TFRC: variants seen among roughly 807,000 people sequenced by gnomAD.
TFRC encodes transferrin receptor.
A neutral mutation model predicts 85.8 loss-of-function variants in TFRC; 35 were observed. The observed-to-expected ratio is 0.41, with a 90% CI of 0.31 to 0.54. The LOEUF (loss-of-function observed/expected upper bound fraction) is 0.54, where lower values mean the gene tolerates loss of function less well. TFRC is among the 20% of genes least tolerant of loss of function. The pLI is 0.31. For missense variants in TFRC, 828 were observed against 921.5 expected (o/e 0.90, Z 1.31); for synonymous variants, 362 against 328.6 (o/e 1.10, Z -1.10).
intron 9 of TFRC, among the ~76,000 whole-genome samples, chr3:196,066,025 C>CAA (rs1453310747): frequency 1.3e-5 from 2 of 149,734 alleles, no homozygotes; most frequent in African/African-American, 4.9e-5. Flanking sequence ...AAAATAAAAA[C>CAA]AAAAAAAAAC....
intron 14 of TFRC, 33 bp downstream of exon 14, chr3:196,060,146 AG>A: frequency 6.4e-7 from 1 of 1,557,040 alleles, no homozygotes; most frequent in African/African-American, 1.4e-5. Flanking sequence ...ACAAAAATTA[AG>A]TCATACATTT....
chr3:196,069,840 C>G (rs1233064294), intron 6 of TFRC: 1 of 301,568 alleles, frequency 3.3e-6, no homozygotes, highest in Admixed American at 4.8e-5. Context: ...ATTAAAGAGG[C>G]CTATGTAGGC....
In TFRC at chr3:196,075,146, T is replaced by A. The variant is rs1314344034; in HGVS notation, c.238+13A>T. ...TTATAGAAAACATTGAAGTTTGGAA[T>A]GGTCATTCTCACCAATCAAGAAAAA... On this transcript the variant is annotated intron_variant, in intron 3 of 18. Coordinates refer to ENST00000360110, the MANE Select transcript of TFRC (RefSeq NM_001128148.3). 1 of 1,612,378 alleles carries A rather than the reference T, an allele frequency of 6.2e-7. No homozygotes were observed. The highest frequency in any genetic ancestry group is 8.5e-7 in the Non-Finnish European group (1 of 1,179,086).
intron 14 of TFRC, 123 bp downstream of exon 14, chr3:196,060,057 A>C: frequency 4.2e-6 from 3 of 720,632 alleles, no homozygotes; most frequent in Non-Finnish European, 6.9e-6. Flanking sequence ...TAACGCTGCT[A>C]TAAAATTTAT....
chr3:196,062,490 G>T, intron 13 of TFRC, 92 bp downstream of exon 13: 1 of 1,102,650 alleles, frequency 9.1e-7, no homozygotes, highest in Non-Finnish European at 1.4e-6. Flanking sequence ...CCGAGATCGT[G>T]CCATTGCACT....
chr3:196,077,583 C>G (rs1718813017), intron 1 of TFRC, among the ~76,000 whole-genome samples: 1 of 152,044 alleles, frequency 6.6e-6, no homozygotes, highest in Non-Finnish European at 1.5e-5. Flanking sequence ...GAAACCCTGT[C>G]TCTACTAAAA....
intron 5 of TFRC, 99 bp downstream of exon 5, chr3:196,071,903 CA>C (rs201368408): frequency 7.8e-5 from 105 of 1,349,644 alleles, no homozygotes; most frequent in Middle Eastern, 2.6e-4. Context: ...GACTCCATTT[CA>C]AAAAAAAGCC....
At chr3:196,073,050 A>ACAAACAAAC (rs1553798524) in intron 4 of TFRC, among the ~76,000 whole-genome samples, 4 of 124,112 alleles carry the variant, frequency 3.2e-5, no homozygotes, top group Non-Finnish European at 4.0e-5. Context: ...AAAAAAAAAA[A>ACAAACAAAC]AAAAAAAAAA....
intron 1 of TFRC, among the ~76,000 whole-genome samples, chr3:196,077,542 A>C (rs1681105023): frequency 6.6e-6 from 1 of 151,468 alleles, no homozygotes; most frequent in Non-Finnish European, 1.5e-5. Flanking sequence ...ACCTGAGGTC[A>C]GGAGTTCAAG....
chr3:196,068,522 AAT>A (rs1717917967), intron 7 of TFRC, among the ~76,000 whole-genome samples: 1 of 149,612 alleles, frequency 6.7e-6, no homozygotes, highest in African/African-American at 2.5e-5. Flanking sequence ...GAGGCAGGAG[AAT>A]CGCTTGAAAC....
In TFRC at chr3:196,064,312, T is replaced by G; in HGVS notation, c.1315A>C (p.Lys439Gln). ...AGAATCAAAATTTGTACTCTACCTT[T>G]TAAGACCATATCTGAGAACATCTGG... ...LAQMFSDMVL[K>Q]DGFQPSRSII... Residue 439 changes from lysine (K) to glutamine (Q), a missense_variant, in exon 11 of 19, where the codon AAA (lysine) becomes CAA (glutamine). By Grantham distance (53) the Lys-to-Gln change is moderately conservative. Coordinates refer to ENST00000360110, the MANE Select transcript of TFRC (RefSeq NM_001128148.3). 6.2e-7 allele frequency: 1 copy of G among 1,607,950 alleles called. No homozygotes were observed. The highest frequency in any genetic ancestry group is 8.5e-7 in the Non-Finnish European group (1 of 1,178,414).
rs575773091 is a variant in TFRC at position 196,052,206 on chromosome 3, C to T, written c.2041-22G>A. 1.9e-6 allele frequency: 3 copies of T among 1,608,206 alleles called. No homozygotes were observed. In the South Asian group the frequency reaches 3.3e-5, roughly 18 times the overall value. ...CCACCTACGAAAACAACACACAAGG[C>T]AATTTACACAGCCCTGTGACTTTTG... On this transcript the variant is annotated intron_variant, in intron 18 of 18. Transcript: ENST00000360110.
intron 6 of TFRC, 86 bp from the exon 7 acceptor site, chr3:196,069,654 C>G (rs1718030663): frequency 1.3e-6 from 1 of 798,808 alleles, no homozygotes; most frequent in African/African-American, 1.8e-5. Context: ...ATAGATCAAA[C>G]CTAAGACAGG....
intron 18 of TFRC, 108 bp from the exon 19 acceptor site, chr3:196,052,292 C>CT (rs529214594): frequency 0.085 from 45,688 of 536,926 alleles, 1,512 homozygotes; most frequent in Non-Finnish European, 0.1. Flanking sequence ...GCCGATCAGA[C>CT]TTTTTTTTTT....
intron 10 of TFRC, among the ~76,000 whole-genome samples, chr3:196,064,765 C>T (rs970514278): frequency 6.6e-6 from 1 of 152,218 alleles, no homozygotes; most frequent in Non-Finnish European, 1.5e-5. Flanking sequence ...ATTCACTACG[C>T]ACAGTCTGTG....
At chr3:196,056,997 T>G (rs1716849326) in intron 16 of TFRC, among the ~76,000 whole-genome samples, 1 of 152,178 alleles carries the variant, frequency 6.6e-6, no homozygotes, top group African/African-American at 2.4e-5. Context: ...AATTTTTGTA[T>G]TTTTAGCAGA....
intron 9 of TFRC, 134 bp downstream of exon 9, chr3:196,067,384 G>A: frequency 2.2e-6 from 2 of 916,240 alleles, no homozygotes. Flanking sequence ...CTGTACCAAG[G>A]TAACAGCTAA....
intron 8 of TFRC, 136 bp from the exon 9 acceptor site, chr3:196,067,793 ATG>A: frequency 1.0e-6 from 1 of 991,814 alleles, no homozygotes; most frequent in Non-Finnish European, 1.5e-6. Context: ...TGGCTCTACA[ATG>A]TGACTCCTGT....
At chr3:196,062,480 C>G in intron 13 of TFRC, 102 bp downstream of exon 13, 1 of 1,016,344 alleles carries the variant, frequency 9.8e-7, no homozygotes, top group African/African-American at 1.6e-5. Context: ...TTGCAGTGAG[C>G]CGAGATCGTG....
Sources: allele counts gnomAD v4.1 joint callset (sites outside exome capture counted in the v4.1 genomes callset), GRCh38; gene constraint gnomAD v4.1.1; transcripts MANE v1.5; gene names NCBI Gene and HGNC (gene_info 2026-07-23, HGNC 2026-07-21).